SDC2: variants seen among roughly 807,000 people sequenced by gnomAD.
The protein encoded by SDC2 is syndecan 2.
Under a neutral mutation model 22.2 loss-of-function variants are expected in SDC2, and 13 were observed. The ratio of observed to expected loss-of-function variants is 0.59; its 90% CI spans 0.38 to 0.93. The LOEUF (loss-of-function observed/expected upper bound fraction) is 0.93, where lower values mean the gene tolerates loss of function less well. SDC2 is among the 40% of genes least tolerant of loss of function. The pLI, the probability that SDC2 is intolerant of heterozygous loss-of-function variation, is 0.00. For missense variants in SDC2, 235 were observed against 246.8 expected, an observed-to-expected ratio of 0.95 and a Z score of 0.32; for synonymous variants, 94 against 92.8, an observed-to-expected ratio of 1.01 and a Z score of -0.07.
Position 96,494,281 on chromosome 8 carries a change from G to C in SDC2, c.10G>C (p.Ala4Pro), listed in dbSNP as rs1386464219. The C allele has an allele frequency of 7.1e-6, 11 of 1,546,348 alleles. No individual in the cohort carries two copies. The highest frequency in any genetic ancestry group is 2.4e-5 in the East Asian group (1 of 41,196). MRR[A>P]WILLTLGLVA... is the part of the protein sequence containing the mutation. ...CCGGTCCCTGGGGAATATGCGGCGC[G>C]CGTGGATCCTGCTCACCTTGGGCTT... Residue 4 changes from alanine to proline, a missense_variant, in exon 1 of 5, where the codon GCG becomes CCG. Transcript: ENST00000302190.
At chr8:96,599,024 C>T (rs1343336584) in intron 2 of SDC2, among the ~76,000 whole-genome samples, 1 of 150,734 alleles carries the variant, frequency 6.6e-6, no homozygotes, top group East Asian at 1.9e-4. Flanking sequence ...TCACTGCAAC[C>T]TCCTCCTCCC....
intron 1 of SDC2, among the ~76,000 whole-genome samples, chr8:96,540,340 G>GTGTATATATATATATATATATA (rs4058341): frequency 0.012 from 1,506 of 123,564 alleles, 25 homozygotes; most frequent in Non-Finnish European, 0.016. Flanking sequence ...ATATATATGT[G>GTGTATATATATATATATATATA]TATATATATA....
intron 1 of SDC2, among the ~76,000 whole-genome samples, chr8:96,535,477 G>T (rs1008100079): frequency 1.1e-4 from 16 of 152,092 alleles, no homozygotes; most frequent in African/African-American, 2.9e-4. Context: ...TTACCCACAC[G>T]GCAGCATGTT....
chr8:96,534,779 G>A (rs1043050492), intron 1 of SDC2, among the ~76,000 whole-genome samples: 8 of 151,730 alleles, frequency 5.3e-5, no homozygotes, highest in African/African-American at 7.3e-5. Context: ...GTCATCTCCC[G>A]CTGCCCTTCT....
intron 2 of SDC2, among the ~76,000 whole-genome samples, chr8:96,596,872 C>A (rs1275946615): frequency 6.6e-6 from 1 of 152,114 alleles, no homozygotes; most frequent in Non-Finnish European, 1.5e-5. Context: ...CGAGTTAGTT[C>A]GCAGTGGGGA....
chr8:96,494,591 C>T (rs549077679), intron 1 of SDC2, among the ~76,000 whole-genome samples: 1 of 152,236 alleles, frequency 6.6e-6, no homozygotes, highest in South Asian at 2.1e-4. Flanking sequence ...CCGCAGAGGC[C>T]CCTGAAGTCA....
chr8:96,500,505 T>C (rs2130420236), intron 1 of SDC2, among the ~76,000 whole-genome samples: 1 of 151,706 alleles, frequency 6.6e-6, no homozygotes, highest in Non-Finnish European at 1.5e-5. Flanking sequence ...CTACTAAAAA[T>C]ATAAAAATTA....
chr8:96,575,359 G>A (rs1172590870), intron 1 of SDC2, among the ~76,000 whole-genome samples: 1 of 151,080 alleles, frequency 6.6e-6, no homozygotes, highest in African/African-American at 2.4e-5. Flanking sequence ...GCAAACCTGC[G>A]GGGTGGTGGG....
At chr8:96,534,675 AG>A (rs1813723627) in intron 1 of SDC2, among the ~76,000 whole-genome samples, 1 of 151,666 alleles carries the variant, frequency 6.6e-6, no homozygotes, top group African/African-American at 2.4e-5. Context: ...GGACTCAGCC[AG>A]TCTTCCTACC....
At chr8:96,569,482 A>G (rs764688403) in intron 1 of SDC2, among the ~76,000 whole-genome samples, 4 of 152,068 alleles carry the variant, frequency 2.6e-5, no homozygotes, top group South Asian at 2.1e-4. Flanking sequence ...TCTCTCTCCT[A>G]CCTGACTCTA....
chr8:96,536,307 T>A (rs931155493), intron 1 of SDC2, among the ~76,000 whole-genome samples: 2 of 148,732 alleles, frequency 1.3e-5, no homozygotes, highest in Non-Finnish European at 2.9e-5. Flanking sequence ...TTGAGTACCC[T>A]TTTATTTTAT....
chr8:96,499,356 G>A (rs1200031579), intron 1 of SDC2, among the ~76,000 whole-genome samples: 1 of 152,192 alleles, frequency 6.6e-6, no homozygotes, highest in Non-Finnish European at 1.5e-5. Context: ...CTGAATGGGG[G>A]TGGGAGTGTG....
At chr8:96,511,809 A>G (rs62514926) in intron 1 of SDC2, among the ~76,000 whole-genome samples, 1 of 148,176 alleles carries the variant, frequency 6.7e-6, no homozygotes, top group Non-Finnish European at 1.5e-5. Flanking sequence ...TTTTTTTTTA[A>G]TCAGCCTCAA....
At chr8:96,540,092 GA>G (rs1264324277) in intron 1 of SDC2, among the ~76,000 whole-genome samples, 4 of 151,040 alleles carry the variant, frequency 2.6e-5, no homozygotes, top group African/African-American at 7.3e-5. Flanking sequence ...TTCATTACAT[GA>G]ATATGAAAAT....
rs1204950685 is a variant in SDC2 at position 96,609,949 on chromosome 8, C to G, written c.*401C>G. 6.5e-6 allele frequency: 1 copy of G among 154,522 alleles called. No homozygotes were observed. The highest frequency in any genetic ancestry group is 2.4e-5 in the African/African-American group (1 of 41,534). The allele number at this position is 154,522 out of a possible 1,614,324, so 9.6% of individuals were successfully genotyped here. On this transcript the variant is annotated 3_prime_UTR_variant, in exon 5 of 5. Transcript: ENST00000302190. The stretch of plus-strand genomic sequence containing the variant: ...TGTTAATTTATCTGTTGTCCCCTTC[C>G]TCTCCTCTGCCCTCCCTTCTTGTGC...
chr8:96,510,197 C>G (rs929792266), intron 1 of SDC2, among the ~76,000 whole-genome samples: 28 of 152,184 alleles, frequency 1.8e-4, no homozygotes, highest in African/African-American at 6.8e-4. Flanking sequence ...GAAATACATT[C>G]TGGGACTTGA....
Position 96,565,084 on chromosome 8 carries a change from A to ATTTT in SDC2, c.61-28384_61-28381dup, listed in dbSNP as rs11304418. Reference sequence around the variant, plus strand: ...GATCACTGAGACCATCCTAAATTTGATTTTTTTTTTTTTTTGTTGAGATGG... The same window carrying ATTTT: ...GATCACTGAGACCATCCTAAATTTGATTTTTTTTTTTTTTTTTTTGTTGAGATGG... On this transcript the variant is annotated intron_variant, in intron 1 of 4. Transcript: ENST00000302190. Among the ~76,000 whole-genome samples, 509 of 67,796 alleles carry ATTTT rather than the reference A, an allele frequency of 7.5e-3. 54 individuals are homozygous for ATTTT. The highest frequency in any genetic ancestry group is 0.025 in the African/African-American group (463 of 18,378). 44.5% of individuals were successfully genotyped at this position (67,796 alleles called of 152,430 possible). A position where few individuals can be genotyped will look rare whatever the true frequency, so the allele number is the denominator to read the frequency against.
intron 1 of SDC2, among the ~76,000 whole-genome samples, chr8:96,529,667 G>A (rs1358259666): frequency 2.6e-5 from 4 of 152,200 alleles, no homozygotes; most frequent in African/African-American, 9.6e-5. Flanking sequence ...TGTTTGTAGA[G>A]TGAGTGAGTA....
In SDC2 at chr8:96,593,499, A is replaced by G. The variant is rs2130633812; in HGVS notation, c.80A>G (p.Asp27Gly). 6.2e-7 allele frequency: 1 copy of G among 1,613,348 alleles called. No homozygotes were observed. The highest frequency in any genetic ancestry group is 1.1e-5 in the South Asian group (1 of 91,062). Residue 27 changes from aspartate to glycine, a missense_variant, in exon 2 of 5, where the codon GAT (aspartate) becomes GGT (glycine). Coordinates refer to ENST00000302190, the MANE Select transcript of SDC2 (RefSeq NM_002998.4). ...SAESRAELTS[D>G]KDMYLDNSSI... ...TCTCAGAGAGCAGAGCTGACATCTG[A>G]TAAAGACATGTACCTTGACAACAGC...
Sources: gnomAD v4.1 joint callset for allele counts (sites outside exome capture counted in the v4.1 genomes callset) on GRCh38, gnomAD v4.1.1 for gene constraint, MANE v1.5 for transcripts, NCBI Gene and HGNC (gene_info 2026-07-23, HGNC 2026-07-21) for gene names.